Variants in GNAL observed in about 807,000 individuals in gnomAD.
GNAL encodes G protein subunit alpha L.
GNAL carries 18 observed loss-of-function variants against 55.1 expected under a neutral mutation model. The ratio of observed to expected loss-of-function variants is 0.33; its 90% CI spans 0.23 to 0.48. The LOEUF is 0.48. Among genes scored for constraint, GNAL ranks in the 20% least tolerant of loss-of-function variants. GNAL has a pLI of 0.99. For synonymous variants in GNAL, 253 were observed against 237.0 expected, an observed-to-expected ratio of 1.07 and a Z score of -0.62; for missense variants, 412 against 614.1, an observed-to-expected ratio of 0.67 and a Z score of 3.48.
chr18:11,706,826 C>A (rs977004629), intron 1 of GNAL, among the ~76,000 whole-genome samples: 1 of 152,158 alleles, frequency 6.6e-6, no homozygotes, highest in African/African-American at 2.4e-5. Context: ...AATTCTAGTT[C>A]TCTTGCTATT....
At chr18:11,838,505 A>C (rs2035545269) in intron 5 of GNAL, among the ~76,000 whole-genome samples, 1 of 152,228 alleles carries the variant, frequency 6.6e-6, no homozygotes, top group Non-Finnish European at 1.5e-5. Flanking sequence ...TATACAACAA[A>C]AAAGTCATTG....
intron 1 of GNAL, among the ~76,000 whole-genome samples, chr18:11,721,857 G>A (rs994709321): frequency 1.3e-5 from 2 of 151,538 alleles, no homozygotes; most frequent in East Asian, 3.9e-4. Flanking sequence ...TTGCACTCCA[G>A]CCTGGGAGAC....
intron 4 of GNAL, among the ~76,000 whole-genome samples, chr18:11,805,795 C>A (rs1225395911): frequency 6.6e-6 from 1 of 152,152 alleles, no homozygotes; most frequent in Non-Finnish European, 1.5e-5. Flanking sequence ...TTGTGAATAT[C>A]ACTGTGATAC....
intron 4 of GNAL, among the ~76,000 whole-genome samples, chr18:11,793,219 C>G (rs998530656): frequency 6.6e-6 from 1 of 152,124 alleles, no homozygotes; most frequent in Non-Finnish European, 1.5e-5. Flanking sequence ...AAAAGACAAT[C>G]CACAGAATGA....
At chr18:11,715,578 G>T (rs1449891791) in intron 1 of GNAL, among the ~76,000 whole-genome samples, 1 of 152,126 alleles carries the variant, frequency 6.6e-6, no homozygotes, top group Non-Finnish European at 1.5e-5. Flanking sequence ...TTTAGCCAGG[G>T]TGTGGAGGAA....
At chr18:11,826,750 C>G (rs1258784857) in intron 5 of GNAL, among the ~76,000 whole-genome samples, 1 of 152,152 alleles carries the variant, frequency 6.6e-6, no homozygotes, top group Non-Finnish European at 1.5e-5. Context: ...GGGAAGAGAT[C>G]CAGCTCTGAT....
intron 7 of GNAL, among the ~76,000 whole-genome samples, chr18:11,866,863 A>T (rs2036274338): frequency 6.6e-6 from 1 of 151,868 alleles, no homozygotes; most frequent in Admixed American, 6.5e-5. Context: ...TTACTGAGCT[A>T]GTAACCACTG....
chr18:11,840,477 G>T (rs2035589325), intron 5 of GNAL, among the ~76,000 whole-genome samples: 1 of 152,198 alleles, frequency 6.6e-6, no homozygotes, highest in Non-Finnish European at 1.5e-5. Context: ...TTTAAAATAG[G>T]AGACTCAGCA....
chr18:11,753,046 G>A, intron 2 of GNAL, 121 bp downstream of exon 2: 1 of 580,286 alleles, frequency 1.7e-6, no homozygotes, highest in Non-Finnish European at 3.1e-6. Flanking sequence ...ATTCAAGGGG[G>A]AAAAAATTAG....
chr18:11,747,179 T>C (rs1598425562), intron 1 of GNAL: 2 of 393,744 alleles, frequency 5.1e-6, no homozygotes, highest in Admixed American at 2.8e-5. Flanking sequence ...ATCGATTTTC[T>C]TCCTGTTACA....
intron 5 of GNAL, among the ~76,000 whole-genome samples, chr18:11,826,520 T>A (rs537753317): frequency 2.0e-3 from 298 of 152,208 alleles, no homozygotes; most frequent in African/African-American, 6.9e-3. Flanking sequence ...CAACCAGCCA[T>A]CCCAGCCATA....
intron 1 of GNAL, among the ~76,000 whole-genome samples, chr18:11,707,786 T>A (rs1222684236): frequency 6.6e-6 from 1 of 152,234 alleles, no homozygotes; most frequent in Non-Finnish European, 1.5e-5. Flanking sequence ...TCATCAGTGA[T>A]CTTAGCTAGA....
chr18:11,748,860 C>T (rs1306681941), intron 1 of GNAL, among the ~76,000 whole-genome samples: 1 of 152,094 alleles, frequency 6.6e-6, no homozygotes. Context: ...CGCAGTAGCT[C>T]AGGTCTATAA....
chr18:11,689,546 C>G lies in GNAL; in HGVS notation c.-18C>G. 1 of 1,207,176 alleles carries G rather than the reference C, an allele frequency of 8.3e-7. No individual in the cohort carries two copies. 74.8% of individuals were successfully genotyped at this position (1,207,176 alleles called of 1,614,324 possible). On this transcript the variant is annotated 5_prime_UTR_variant, in exon 1 of 12. Transcript: ENST00000334049. ...CCTGCCCTAGTCCCGCGCGCCGCCC[C>G]CGCTGTGCCGCGCCCACATGGGTCT...
intron 9 of GNAL, among the ~76,000 whole-genome samples, chr18:11,871,935 T>C (rs1459116986): frequency 6.6e-6 from 1 of 152,250 alleles, no homozygotes; most frequent in Non-Finnish European, 1.5e-5. Context: ...ATAGTTGCAT[T>C]ATACTTACTA....
Position 11,884,244 on chromosome 18 carries a change from G to GT in GNAL, c.*3110dup. On this transcript the variant is annotated 3_prime_UTR_variant, in exon 12 of 12. Coordinates refer to ENST00000334049, the MANE Select transcript of GNAL (RefSeq NM_182978.4). ...ATAAAAATGAGAAAACAGATTTGTT[G>GT]TAGAGTACCTGTCCACTTTTATAGC... 2 of 560,770 alleles carry GT rather than the reference G, an allele frequency of 3.6e-6. No individual in the cohort carries two copies. Among genetic ancestry groups the GT allele is most frequent in the Non-Finnish European group, 6.3e-6 (2 of 315,324 alleles). 34.7% of individuals were successfully genotyped at this position (560,770 alleles called of 1,614,324 possible).
At chr18:11,716,052 G>T (rs190712944) in intron 1 of GNAL, among the ~76,000 whole-genome samples, 1 of 152,164 alleles carries the variant, frequency 6.6e-6, no homozygotes, top group African/African-American at 2.4e-5. Context: ...ACTGTTGGTG[G>T]GAGTGTAAAT....
intron 10 of GNAL, among the ~76,000 whole-genome samples, chr18:11,874,765 G>C (rs989087253): frequency 6.9e-6 from 1 of 145,866 alleles, no homozygotes; most frequent in Admixed American, 7.0e-5. Context: ...AGCCACTCCA[G>C]AACACAGCCC....
Position 11,864,536 on chromosome 18 carries a change from C to G in GNAL, c.781C>G (p.Leu261Val), listed in dbSNP as rs2036217861. ...LVDYTPTDQDLLRCRVLTSGI... is the reference protein window; with the variant it reads ...LVDYTPTDQDVLRCRVLTSGI... ...GTTTCCCTCTTCTTGTTCCCAGGAC[C>G]TCCTCAGATGCAGAGTTCTGACATC... Residue 261 changes from leucine (L) to valine (V), a missense_variant, in exon 7 of 12, where the codon CTC becomes GTC. Physicochemically the swap from Leu to Val is conservative, Grantham distance 32 (BLOSUM62 1). This residue lies in a region of GNAL where 53 missense variants were observed against 182.7 expected (regional missense o/e 0.29). Coordinates refer to ENST00000334049, the MANE Select transcript of GNAL (RefSeq NM_182978.4). 6.5e-7 allele frequency: 1 copy of G among 1,544,722 alleles called. No individual in the cohort carries two copies. Among genetic ancestry groups the G allele is most frequent in the Non-Finnish European group, 9.0e-7 (1 of 1,116,874 alleles).
Sources: allele counts gnomAD v4.1 joint callset (sites outside exome capture counted in the v4.1 genomes callset), GRCh38; gene constraint gnomAD v4.1.1; regional missense constraint gnomAD v4.1.1; transcripts MANE v1.5; gene names NCBI Gene and HGNC (gene_info 2026-07-23, HGNC 2026-07-21).